FHIT: variants seen among roughly 807,000 people sequenced by gnomAD.
FHIT encodes bis(5'-adenosyl)-triphosphatase.
Under a neutral mutation model 17.9 loss-of-function variants are expected in FHIT, and 19 were observed. The observed-to-expected ratio is 1.06, with a 90% CI of 0.74 to 1.56. FHIT has a LOEUF of 1.56. Ranked by LOEUF, FHIT falls within the 40% of genes most tolerant of loss-of-function variation. FHIT has a pLI of 0.00. For missense variants in FHIT, 248 were observed against 189.2 expected, an observed-to-expected ratio of 1.31 and a Z score of -1.82; for synonymous variants, 81 against 69.7, an observed-to-expected ratio of 1.16 and a Z score of -0.81.
At chr3:59,800,421 T>C (rs1473287535) in intron 8 of FHIT, among the ~76,000 whole-genome samples, 1 of 152,198 alleles carries the variant, frequency 6.6e-6, no homozygotes, top group East Asian at 1.9e-4. Flanking sequence ...CTATTGCAAA[T>C]TTCTGCAAAG....
intron 5 of FHIT, among the ~76,000 whole-genome samples, chr3:60,078,498 G>A (rs1192416867): frequency 6.6e-6 from 1 of 152,104 alleles, no homozygotes. Flanking sequence ...AAAGTCTGGG[G>A]AATTGTTTGA....
chr3:60,488,165 A>G (rs566515536), intron 5 of FHIT, among the ~76,000 whole-genome samples: 1 of 152,264 alleles, frequency 6.6e-6, no homozygotes, highest in East Asian at 1.9e-4. Flanking sequence ...TGATGAGGAA[A>G]CCACAGCAGC....
intron 5 of FHIT, among the ~76,000 whole-genome samples, chr3:60,053,032 C>T (rs1359690873): frequency 6.6e-6 from 1 of 151,800 alleles, no homozygotes; most frequent in Non-Finnish European, 1.5e-5. Context: ...CTGCATTGTT[C>T]CCCATGCTTC....
At chr3:60,254,510 C>T (rs1705884796) in intron 5 of FHIT, among the ~76,000 whole-genome samples, 1 of 152,094 alleles carries the variant, frequency 6.6e-6, no homozygotes, top group Non-Finnish European at 1.5e-5. Context: ...CAAAAAAATA[C>T]ATAATATAAC....
At chr3:61,202,509 T>TA (rs35348304) in intron 1 of FHIT, among the ~76,000 whole-genome samples, 140 of 124,590 alleles carry the variant, frequency 1.1e-3, no homozygotes, top group South Asian at 2.0e-3. Flanking sequence ...ACTTTTTCGT[T>TA]AAAAAAAAAA....
At chr3:60,887,959 G>C (rs1487177039) in intron 3 of FHIT, among the ~76,000 whole-genome samples, 3 of 152,182 alleles carry the variant, frequency 2.0e-5, no homozygotes, top group Non-Finnish European at 4.4e-5. Flanking sequence ...AGGACTCTTA[G>C]TGAACTCTGA....
intron 7 of FHIT, among the ~76,000 whole-genome samples, chr3:59,991,687 C>G (rs897025727): frequency 6.6e-6 from 1 of 151,948 alleles, no homozygotes; most frequent in Non-Finnish European, 1.5e-5. Context: ...GAGAGCAGAC[C>G]CTGGCTCCTG....
chr3:60,696,995 A>C (rs2041127205), intron 4 of FHIT, among the ~76,000 whole-genome samples: 1 of 152,200 alleles, frequency 6.6e-6, no homozygotes, highest in African/African-American at 2.4e-5. Context: ...GATTTCTTTT[A>C]AAGGATTACC....
At chr3:59,827,117 T>C (rs193101198) in intron 8 of FHIT, among the ~76,000 whole-genome samples, 1 of 152,328 alleles carries the variant, frequency 6.6e-6, no homozygotes, top group East Asian at 1.9e-4. Context: ...GCAGTGTCCA[T>C]TTTATAGCAC....
At chr3:60,640,607 G>T (rs1019647212) in intron 4 of FHIT, among the ~76,000 whole-genome samples, 9 of 152,066 alleles carry the variant, frequency 5.9e-5, no homozygotes, top group Admixed American at 5.9e-4. Flanking sequence ...AAATTTAAAG[G>T]TGGAGGATTG....
chr3:60,728,200 C>A (rs1479281321), intron 4 of FHIT, among the ~76,000 whole-genome samples: 1 of 152,102 alleles, frequency 6.6e-6, no homozygotes. Flanking sequence ...CAGTGTTGAC[C>A]ACAAAAATAC....
At chr3:60,613,762 C>T (rs2038857394) in intron 4 of FHIT, among the ~76,000 whole-genome samples, 2 of 151,978 alleles carry the variant, frequency 1.3e-5, no homozygotes, top group Admixed American at 6.5e-5. Context: ...CCTTTAAGAG[C>T]TTATAAGGGC....
At chr3:59,885,762 C>T (rs543557582) in intron 8 of FHIT, among the ~76,000 whole-genome samples, 7 of 152,252 alleles carry the variant, frequency 4.6e-5, no homozygotes, top group South Asian at 2.1e-4. Flanking sequence ...AGGACATGAG[C>T]GCTGCTTTCA....
At chr3:60,176,324 C>G in intron 5 of FHIT, among the ~76,000 whole-genome samples, 1 of 152,234 alleles carries the variant, frequency 6.6e-6, no homozygotes, top group East Asian at 1.9e-4. Context: ...TGCACTCCAG[C>G]CTGGGTGACA....
intron 4 of FHIT, among the ~76,000 whole-genome samples, chr3:60,785,575 A>C (rs1489203738): frequency 2.0e-5 from 3 of 152,118 alleles, no homozygotes; most frequent in Non-Finnish European, 4.4e-5. Context: ...TCTAAGTTTT[A>C]TCCCAGAGAA....
chr3:60,557,664 G>C (rs1439358562), intron 4 of FHIT, among the ~76,000 whole-genome samples: 1 of 151,774 alleles, frequency 6.6e-6, no homozygotes, highest in Admixed American at 6.6e-5. Context: ...TGGGAGCAAT[G>C]CTACTTCAAG....
intron 4 of FHIT, among the ~76,000 whole-genome samples, chr3:60,735,452 G>A (rs1735477): frequency 0.94 from 142,448 of 152,268 alleles, 66,723 homozygotes; most frequent in East Asian, 1. Context: ...TCATTAATTC[G>A]AGTCAGTCCA....
intron 1 of FHIT, among the ~76,000 whole-genome samples, chr3:61,202,802 A>T (rs1481557063): frequency 6.6e-6 from 1 of 152,170 alleles, no homozygotes; most frequent in Non-Finnish European, 1.5e-5. Context: ...CTGTAATCCC[A>T]GCACTTTGGG....
intron 5 of FHIT, among the ~76,000 whole-genome samples, chr3:60,343,157 G>C (rs906293614): frequency 1.6e-4 from 24 of 152,050 alleles, no homozygotes; most frequent in African/African-American, 5.8e-4. Context: ...TACAGAATAA[G>C]TCAACATAAA....
Sources: gnomAD v4.1 joint callset for allele counts (sites outside exome capture counted in the v4.1 genomes callset) on GRCh38, gnomAD v4.1.1 for gene constraint, MANE v1.5 for transcripts, NCBI Gene and HGNC (gene_info 2026-07-23, HGNC 2026-07-21) for gene names.